The following ASB18 variants were observed in gnomAD, a reference collection of about 807,000 sequenced individuals.
ASB18 encodes ankyrin repeat and SOCS box containing 18, also known as ankyrin repeat and SOCS box protein 18.
ASB18 carries 33 observed loss-of-function variants against 33.4 expected under a neutral mutation model. That is an observed-to-expected ratio of 0.99 (90% CI 0.75 to 1.32). ASB18 has a LOEUF of 1.32. Ranked by LOEUF, ASB18 falls within the 40% of genes most tolerant of loss-of-function variation. The probability of loss-of-function intolerance (pLI) is 0.00; values close to 1 mark genes in which losing one functional copy is unlikely to be tolerated. For missense variants in ASB18, 694 were observed against 655.5 expected (o/e 1.06, Z -0.64); for synonymous variants, 295 against 307.6 (o/e 0.96, Z 0.43).
At position 236,237,125 on chromosome 2, in the gene ASB18, G is replaced by GA. The variant is rs2060595929; in HGVS notation, c.596+563dup. Among the ~76,000 whole-genome samples, 1 of 152,156 alleles carries GA rather than the reference G, an allele frequency of 6.6e-6. No homozygotes were observed. The highest frequency in any genetic ancestry group is 1.9e-4 in the East Asian group (1 of 5,162). ...ACAGCTCCGCTTCCGAGCGGGCCTG[G>GA]AAGCCCCGCCCGAGGAGCTAACCAT... On this transcript the variant is annotated intron_variant, in intron 3 of 5. Transcript: ENST00000409749. The surrounding 1 kb of genome is among the most constrained non-coding windows in gnomAD (Gnocchi z 6.2).
At position 236,238,606 on chromosome 2, in the gene ASB18, T is replaced by TA. The variant is rs2060607317; in HGVS notation, c.329-651dup. On this transcript the variant is annotated intron_variant, in intron 2 of 5. Coordinates refer to ENST00000409749, the MANE Select transcript of ASB18 (RefSeq NM_212556.4). The surrounding 1 kb of genome is among the most constrained non-coding windows in gnomAD (Gnocchi z 5.2). ...TCCTGGTTTGTTTCTTTGCGCTTTTTAGGGGTGTGTGTGTGTGTGTGTGTA... is the reference window on the plus strand; with the variant it reads ...TCCTGGTTTGTTTCTTTGCGCTTTTTAAGGGGTGTGTGTGTGTGTGTGTGTA... 1.5e-5 allele frequency among the ~76,000 whole-genome samples: 1 copy of TA among 68,544 alleles called. No individual in the cohort carries two copies. The highest frequency in any genetic ancestry group is 4.0e-4 in the East Asian group (1 of 2,488). 45.0% of individuals were successfully genotyped at this position (68,544 alleles called of 152,430 possible).
rs149889496 is a variant in ASB18, at chr2:236,238,610, G to GGT, written c.329-656_329-655dup. Among the ~76,000 whole-genome samples, 77,361 of 150,198 alleles carry GGT rather than the reference G, an allele frequency of 0.52. 19,836 individuals are homozygous for GGT. The highest frequency in any genetic ancestry group is 0.59 in the East Asian group (3,013 of 5,078). ...GGTTTGTTTCTTTGCGCTTTTTAGGGGTGTGTGTGTGTGTGTGTGTAGGGT... is the reference window on the plus strand; with the variant it reads ...GGTTTGTTTCTTTGCGCTTTTTAGGGGTGTGTGTGTGTGTGTGTGTGTAGGGT... On this transcript the variant is annotated intron_variant, in intron 2 of 5. Coordinates refer to ENST00000409749, the MANE Select transcript of ASB18 (RefSeq NM_212556.4). The surrounding 1 kb of genome is among the most constrained non-coding windows in gnomAD (Gnocchi z 5.2).
intron 3 of ASB18, among the ~76,000 whole-genome samples, chr2:236,232,832 A>C (rs1268462328): frequency 1.3e-5 from 2 of 152,156 alleles, no homozygotes; most frequent in Non-Finnish European, 2.9e-5. Flanking sequence ...AGATAGCTTT[A>C]CTGATGAATT....
At position 236,255,419 on chromosome 2, in the gene ASB18, G is replaced by A. The variant is rs2060687801; in HGVS notation, c.205+8722C>T. ...TCGGCCTATCAAAGTGCTGGGATTA[G>A]AGGTGTGAGCCACTGCGCCTGGCCT... On this transcript the variant is annotated intron_variant, in intron 1 of 5. Transcript: ENST00000409749. This position sits in a 1 kb window ranked among gnomAD's most constrained non-coding sequence, Gnocchi z 4.4. 6.6e-6 allele frequency among the ~76,000 whole-genome samples: 1 copy of A among 152,176 alleles called. No individual in the cohort carries two copies. Among genetic ancestry groups the A allele is most frequent in the Non-Finnish European group, 1.5e-5 (1 of 68,022 alleles).
chr2:236,223,058 CT>C lies in ASB18; in HGVS notation c.597-8193del. 6.6e-6 allele frequency among the ~76,000 whole-genome samples: 1 copy of C among 152,290 alleles called. No homozygotes were observed. Among genetic ancestry groups the C allele is most frequent in the Non-Finnish European group, 1.5e-5 (1 of 68,024 alleles). The stretch of plus-strand genomic sequence containing the variant: ...GTGACACCCCCCATCCCTGTTCCTG[CT>C]TTCACTGTGTGGTGTGCCTGCTTGC... On this transcript the variant is annotated intron_variant, in intron 3 of 5. Coordinates refer to ENST00000409749, the MANE Select transcript of ASB18 (RefSeq NM_212556.4). The surrounding 1 kb of genome is among the most constrained non-coding windows in gnomAD (Gnocchi z 4.6).
At chr2:236,210,986 T>C (rs1280273574) in intron 4 of ASB18, among the ~76,000 whole-genome samples, 1 of 152,206 alleles carries the variant, frequency 6.6e-6, no homozygotes, top group Non-Finnish European at 1.5e-5. Context: ...TAGTGCTTCC[T>C]TGGAAAAAGA....
rs182855730 is a variant in ASB18, at chr2:236,264,169, C to T, written c.177G>A (p.Ser59=). The T allele has an allele frequency of 4.8e-4, 782 of 1,613,790 alleles. 1 individual carries two copies. The highest frequency in any genetic ancestry group is 4.2e-3 in the African/African-American group (312 of 74,982). The change falls in exon 1 of 6, where the codon TCG becomes TCA. Residue 59 remains serine (S), a synonymous_variant. Transcript: ENST00000409749. This position sits in a 1 kb window ranked among gnomAD's most constrained non-coding sequence, Gnocchi z 5.1. ...LANDDWMKDP[S]AQLPTGMLLG... is the part of the protein sequence containing the mutation. ...GCAGCATGCCGGTGGGCAGCTGAGC[C>T]GAGGGGTCTTTCATCCAGTCGTCAT... is the stretch of plus-strand genomic sequence containing the variant.
intron 1 of ASB18, among the ~76,000 whole-genome samples, chr2:236,261,001 G>A (rs1180496628): frequency 6.6e-6 from 1 of 152,144 alleles, no homozygotes; most frequent in Admixed American, 6.5e-5. Flanking sequence ...TGAGTTTCCT[G>A]AGGTTACACA....
Position 236,205,450 on chromosome 2 carries a change from T to C in ASB18, c.1101+8912A>G, listed in dbSNP as rs373114483. Among the ~76,000 whole-genome samples, 4 of 152,382 alleles carry C rather than the reference T, an allele frequency of 2.6e-5. 1 individual carries two copies. The East Asian group carries it at 7.7e-4, about 29-fold the overall frequency. On this transcript the variant is annotated intron_variant, in intron 4 of 5. Transcript: ENST00000409749. The surrounding 1 kb of genome is among the most constrained non-coding windows in gnomAD (Gnocchi z 5.4). Reference sequence around the variant, plus strand: ...TCAGCAGTCACTGACCCTAACTGCCTGACTTAAAATTGCAACTGCCTTCCA... The same window carrying C: ...TCAGCAGTCACTGACCCTAACTGCCCGACTTAAAATTGCAACTGCCTTCCA...
In ASB18 at chr2:236,203,283, G is replaced by A. The variant is rs1397214996; in HGVS notation, c.1102-6898C>T. On this transcript the variant is annotated intron_variant, in intron 4 of 5. Transcript: ENST00000409749. The surrounding 1 kb of genome is among the most constrained non-coding windows in gnomAD (Gnocchi z 6.0). ...TTCTGGAAGAAGTGACATCCAAGCC[G>A]AGACCTGGCTCTGGAGCAGGAGTTA... Among the ~76,000 whole-genome samples the A allele has an allele frequency of 1.3e-5, 2 of 152,170 alleles. No individual in the cohort carries two copies.
Position 236,263,348 on chromosome 2 carries a change from A to T in ASB18, c.205+793T>A, listed in dbSNP as rs137901956. 6.6e-6 allele frequency among the ~76,000 whole-genome samples: 1 copy of T among 152,294 alleles called. No individual in the cohort carries two copies. The highest frequency in any genetic ancestry group is 1.5e-5 in the Non-Finnish European group (1 of 68,028). On this transcript the variant is annotated intron_variant, in intron 1 of 5. Coordinates refer to ENST00000409749, the MANE Select transcript of ASB18 (RefSeq NM_212556.4). The surrounding 1 kb of genome is among the most constrained non-coding windows in gnomAD (Gnocchi z 4.0). ...ACAAAGAAAAAATCCTATGGACAAG[A>T]CTTTGTCCAGACCTGCAAAGAAAGG...
rs2060515868 is a variant in ASB18, at chr2:236,222,173, T to G, written c.597-7307A>C. On this transcript the variant is annotated intron_variant, in intron 3 of 5. Coordinates refer to ENST00000409749, the MANE Select transcript of ASB18 (RefSeq NM_212556.4). This position sits in a 1 kb window ranked among gnomAD's most constrained non-coding sequence, Gnocchi z 5.5. ...ATTTCCCTGGACCTTCTGCTGAGGCTTTCCTTTGGGGATCTTCCATCTACC... is the reference window on the plus strand; with the variant it reads ...ATTTCCCTGGACCTTCTGCTGAGGCGTTCCTTTGGGGATCTTCCATCTACC... 6.6e-6 allele frequency among the ~76,000 whole-genome samples: 1 copy of G among 152,208 alleles called. No individual in the cohort carries two copies. The highest frequency in any genetic ancestry group is 2.1e-4 in the South Asian group (1 of 4,820).
chr2:236,258,867 C>T (rs1315590750), intron 1 of ASB18, among the ~76,000 whole-genome samples: 1 of 152,150 alleles, frequency 6.6e-6, no homozygotes, highest in Non-Finnish European at 1.5e-5. Flanking sequence ...AACATAATGC[C>T]TCTATTTTTC....
At chr2:236,212,682 T>C (rs2060464569) in intron 4 of ASB18, among the ~76,000 whole-genome samples, 1 of 152,186 alleles carries the variant, frequency 6.6e-6, no homozygotes, top group Non-Finnish European at 1.5e-5. Flanking sequence ...TGGAGTGTAG[T>C]GTTGCTATCA....
chr2:236,207,913 A>T (rs533022732), intron 4 of ASB18, among the ~76,000 whole-genome samples: 62 of 151,222 alleles, frequency 4.1e-4, no homozygotes, highest in African/African-American at 1.5e-3. Flanking sequence ...TCCTAGACTC[A>T]GACATGAGGT....
rs1046745889 is a variant in ASB18 at position 236,257,646 on chromosome 2, C to T, written c.205+6495G>A. The stretch of plus-strand genomic sequence containing the variant: ...TCAGGGACGTTCCTGCAAAATGTCT[C>T]TGGGTGGGTAGGCAGCAAGAGCCCC... On this transcript the variant is annotated intron_variant, in intron 1 of 5. Transcript: ENST00000409749. The surrounding 1 kb of genome is among the most constrained non-coding windows in gnomAD (Gnocchi z 5.5). 1.3e-5 allele frequency among the ~76,000 whole-genome samples: 2 copies of T among 152,162 alleles called. No individual in the cohort carries two copies. The highest frequency in any genetic ancestry group is 4.8e-5 in the African/African-American group (2 of 41,420).
rs958624530 is a variant in ASB18, at chr2:236,256,914, G to C, written c.205+7227C>G. 6.6e-6 allele frequency among the ~76,000 whole-genome samples: 1 copy of C among 152,052 alleles called. No homozygotes were observed. Among genetic ancestry groups the C allele is most frequent in the South Asian group, 2.1e-4 (1 of 4,806 alleles). On this transcript the variant is annotated intron_variant, in intron 1 of 5. Coordinates refer to ENST00000409749, the MANE Select transcript of ASB18 (RefSeq NM_212556.4). The surrounding 1 kb of genome is among the most constrained non-coding windows in gnomAD (Gnocchi z 4.7). ...AAAAAGAGCCTAGGGTGTGTGTCTCGTAGAAAGCAAAGAAACATTTTAATT... is the reference window on the plus strand; with the variant it reads ...AAAAAGAGCCTAGGGTGTGTGTCTCCTAGAAAGCAAAGAAACATTTTAATT...
Position 236,222,892 on chromosome 2 carries a change from C to T in ASB18, c.597-8026G>A, listed in dbSNP as rs2060518982. On this transcript the variant is annotated intron_variant, in intron 3 of 5. Coordinates refer to ENST00000409749, the MANE Select transcript of ASB18 (RefSeq NM_212556.4). This position sits in a 1 kb window ranked among gnomAD's most constrained non-coding sequence, Gnocchi z 5.5. Reference sequence around the variant, plus strand: ...AAAATTAGATGGGTGTGGTGGCGCACACCTGTAGTCCCAGCTACTTGGGAA... The same window carrying T: ...AAAATTAGATGGGTGTGGTGGCGCATACCTGTAGTCCCAGCTACTTGGGAA... Among the ~76,000 whole-genome samples, 1 of 152,138 alleles carries T rather than the reference C, an allele frequency of 6.6e-6. No homozygotes were observed.
chr2:236,196,031 C>CTCA lies in ASB18; in HGVS notation c.1215+240_1215+241insTGA. 1 of 530,660 alleles carries CTCA rather than the reference C, an allele frequency of 1.9e-6. No individual in the cohort carries two copies. The highest frequency in any genetic ancestry group is 3.5e-6 in the Non-Finnish European group (1 of 287,726). The allele number at this position is 530,660 out of a possible 1,614,324, so 32.9% of individuals were successfully genotyped here. A position where few individuals can be genotyped will look rare whatever the true frequency, so the allele number is the denominator to read the frequency against. On this transcript the variant is annotated intron_variant, in intron 5 of 5. Transcript: ENST00000409749. The surrounding 1 kb of genome is among the most constrained non-coding windows in gnomAD (Gnocchi z 5.6). Reference sequence around the variant, plus strand: ...TAAGGAACCCTCGCGCTTTTCAGGCCAGCACGGGGCTCTGAGCTCCTTGAG... The same window carrying CTCA: ...TAAGGAACCCTCGCGCTTTTCAGGCCTCAAGCACGGGGCTCTGAGCTCCTTGAG...
Sources: gnomAD v4.1 joint callset for allele counts (sites outside exome capture counted in the v4.1 genomes callset) on GRCh38, gnomAD v4.1.1 for gene constraint, Gnocchi (gnomAD v3.1) non-coding constraint, MANE v1.5 for transcripts, NCBI Gene and HGNC (gene_info 2026-07-23, HGNC 2026-07-21) for gene names.